The following ABCB1 variants were observed in gnomAD, a reference collection of about 807,000 sequenced individuals.
ABCB1 encodes the protein ATP-dependent translocase ABCB1.
ABCB1 carries 69 observed loss-of-function variants against 142.0 expected under a neutral mutation model. That is an observed-to-expected ratio of 0.49 (90% confidence interval 0.40 to 0.59). The LOEUF is 0.59. Among genes scored for constraint, ABCB1 ranks in the 20% least tolerant of loss-of-function variants. The pLI is 0.00. For synonymous variants in ABCB1, 532 were observed against 539.2 expected (o/e 0.99, Z 0.18); for missense variants, 1,326 against 1,554.7 (o/e 0.85, Z 2.47).
chr7:87,572,582 A>G (rs80346336), intron 4 of ABCB1, among the ~76,000 whole-genome samples: 8,863 of 152,284 alleles, frequency 0.058, 446 homozygotes, highest in African/African-American at 0.13. Context: ...AGTATAAATA[A>G]TTCTATTATA....
At chr7:87,631,294 A>G (rs1284037440) in intron 1 of ABCB1, among the ~76,000 whole-genome samples, 2 of 152,264 alleles carry the variant, frequency 1.3e-5, no homozygotes, top group Non-Finnish European at 2.9e-5. Context: ...AGAAAAATGA[A>G]TAAAGCAGTA....
At chr7:87,523,662 T>C (rs1584845063) in intron 21 of ABCB1, among the ~76,000 whole-genome samples, 1 of 152,186 alleles carries the variant, frequency 6.6e-6, no homozygotes, top group East Asian at 1.9e-4. Context: ...TGTAATCAAA[T>C]GTTACTTCCA....
chr7:87,646,469 A>G (rs549387369), intron 1 of ABCB1, among the ~76,000 whole-genome samples: 31 of 152,246 alleles, frequency 2.0e-4, no homozygotes, highest in Non-Finnish European at 3.4e-4. Flanking sequence ...GTTTTGGTGT[A>G]TTTTATGGAG....
At chr7:87,644,064 G>A (rs1446831907) in intron 1 of ABCB1, among the ~76,000 whole-genome samples, 1 of 152,010 alleles carries the variant, frequency 6.6e-6, no homozygotes, top group African/African-American at 2.4e-5. Context: ...TCACCATGTT[G>A]GCCAGGCTGG....
chr7:87,582,612 G>C lies in ABCB1; in HGVS notation c.286+2900C>G, dbSNP rs561418152. ...ACCTTTTTCTATAAAGGGCCAGATA[G>C]TAAATATCTTAGGCTCTGCAGACCA... On this transcript the variant is annotated intron_variant, in intron 4 of 27. Coordinates refer to ENST00000622132, the MANE Select transcript of ABCB1 (RefSeq NM_001348946.2). 4.2e-4 allele frequency among the ~76,000 whole-genome samples: 64 copies of C among 152,304 alleles called. No individual in the cohort carries two copies. The Middle Eastern group carries it at 0.02, about 49-fold the overall frequency.
chr7:87,691,952 A>C (rs925049722), intron 1 of ABCB1, among the ~76,000 whole-genome samples: 1 of 152,166 alleles, frequency 6.6e-6, no homozygotes, highest in Non-Finnish European at 1.5e-5. Context: ...GATAACTTGG[A>C]ATATAGTGGA....
chr7:87,624,586 A>G (rs1227291601), intron 1 of ABCB1, among the ~76,000 whole-genome samples: 1 of 152,202 alleles, frequency 6.6e-6, no homozygotes, highest in Non-Finnish European at 1.5e-5. Context: ...CATAATTTTT[A>G]CTGTGACTCT....
At chr7:87,535,527 T>A (rs2117142221) in intron 20 of ABCB1, among the ~76,000 whole-genome samples, 1 of 152,222 alleles carries the variant, frequency 6.6e-6, no homozygotes, top group African/African-American at 2.4e-5. Context: ...CTTGTTTTTA[T>A]TGTTTTGTTT....
At chr7:87,673,482 C>A (rs1292761831) in intron 1 of ABCB1, among the ~76,000 whole-genome samples, 1 of 152,132 alleles carries the variant, frequency 6.6e-6, no homozygotes, top group Non-Finnish European at 1.5e-5. Flanking sequence ...CATTGAGATT[C>A]TTTCCTCAGT....
intron 1 of ABCB1, among the ~76,000 whole-genome samples, chr7:87,698,946 G>C (rs192360546): frequency 9.6e-4 from 146 of 152,208 alleles, no homozygotes; most frequent in African/African-American, 3.3e-3. Flanking sequence ...TTAATAATAA[G>C]TACATCACTA....
chr7:87,569,767 A>T (rs1429369720), intron 5 of ABCB1, among the ~76,000 whole-genome samples: 1 of 152,106 alleles, frequency 6.6e-6, no homozygotes, highest in Non-Finnish European at 1.5e-5. Flanking sequence ...AGCTCACTGC[A>T]GCTTTGAACT....
intron 13 of ABCB1, 109 bp downstream of exon 13, chr7:87,549,741 TC>T: frequency 7.1e-7 from 1 of 1,408,928 alleles, no homozygotes; most frequent in Non-Finnish European, 1.0e-6. Flanking sequence ...TACTTTCCCT[TC>T]TTAGGATTTC....
intron 5 of ABCB1, among the ~76,000 whole-genome samples, chr7:87,568,047 G>C (rs1817854300): frequency 6.6e-6 from 1 of 151,214 alleles, no homozygotes; most frequent in Non-Finnish European, 1.5e-5. Context: ...AGGTTGCCGG[G>C]AGCCGAGATC....
intron 14 of ABCB1, among the ~76,000 whole-genome samples, chr7:87,546,236 C>T (rs1478670072): frequency 3.3e-5 from 5 of 152,156 alleles, no homozygotes; most frequent in African/African-American, 1.2e-4. Flanking sequence ...ATATAACAGT[C>T]ACATATTAAT....
intron 1 of ABCB1, chr7:87,709,542 TATC>T (rs1829887195): frequency 2.0e-6 from 2 of 984,388 alleles, no homozygotes; most frequent in Non-Finnish European, 2.4e-6. Context: ...ACCATACCCT[TATC>T]ATTCATTTTC....
At chr7:87,523,537 G>A (rs1193598444) in intron 21 of ABCB1, among the ~76,000 whole-genome samples, 2 of 152,156 alleles carry the variant, frequency 1.3e-5, no homozygotes, top group Admixed American at 6.5e-5. Context: ...CAGAGGAAGC[G>A]CTCGAACTGG....
chr7:87,508,337 T>C (rs539340036), intron 26 of ABCB1, among the ~76,000 whole-genome samples: 3 of 152,172 alleles, frequency 2.0e-5, no homozygotes, highest in Non-Finnish European at 4.4e-5. Flanking sequence ...TATTAAAAAT[T>C]TGTATAAAAT....
intron 14 of ABCB1, 61 bp downstream of exon 14, chr7:87,549,287 A>C (rs1816940933): frequency 6.2e-7 from 1 of 1,602,426 alleles, no homozygotes; most frequent in Non-Finnish European, 8.5e-7. Context: ...ATTAACAAGA[A>C]TTAGTAGTAG....
chr7:87,699,226 G>GA (rs1336302532), intron 1 of ABCB1, among the ~76,000 whole-genome samples: 3 of 151,868 alleles, frequency 2.0e-5, no homozygotes, highest in Non-Finnish European at 4.4e-5. Flanking sequence ...AAATCATGAT[G>GA]AAAAAAGCAC....
Sources: gnomAD v4.1 joint callset for allele counts (sites outside exome capture counted in the v4.1 genomes callset) on GRCh38, gnomAD v4.1.1 for gene constraint, MANE v1.5 for transcripts, NCBI Gene and HGNC (gene_info 2026-07-23, HGNC 2026-07-21) for gene names.